The following CARS2 variants were observed in gnomAD, a reference collection of about 807,000 sequenced individuals.
The protein encoded by CARS2 is cysteinyl-tRNA synthetase 2, mitochondrial, also known as probable cysteine--tRNA ligase, mitochondrial.
Under a neutral mutation model 68.8 loss-of-function variants are expected in CARS2, and 52 were observed. The ratio of observed to expected loss-of-function variants is 0.76; its 90% CI spans 0.61 to 0.95. The LOEUF (loss-of-function observed/expected upper bound fraction) is 0.95. CARS2 is among the 40% of genes least tolerant of loss of function. CARS2 has a pLI of 0.00. For missense variants in CARS2, 780 were observed against 754.2 expected, an observed-to-expected ratio of 1.03 and a Z score of -0.40; for synonymous variants, 314 against 303.6, an observed-to-expected ratio of 1.03 and a Z score of -0.36.
In CARS2 at chr13:110,687,692, GAA is replaced by G. The variant is rs552751411; in HGVS notation, c.571+27_571+28del. 8.3e-3 allele frequency: 7,711 copies of G among 929,480 alleles called. 314 individuals are homozygous for G. In the African/African-American group the frequency reaches 0.12, roughly 15 times the overall value. 57.6% of individuals were successfully genotyped at this position (929,480 alleles called of 1,614,324 possible). On this transcript the variant is annotated intron_variant, in intron 5 of 14. Transcript: ENST00000257347. The stretch of plus-strand genomic sequence containing the variant: ...AAACTCTGTCTCAAAAAAAAAAAAA[GAA>G]AAAAAAAAAAAGAACATAAACCCTA...
intron 14 of CARS2, 61 bp downstream of exon 14, chr13:110,642,254 C>T: frequency 1.5e-6 from 2 of 1,329,316 alleles, no homozygotes; most frequent in South Asian, 2.5e-5. Flanking sequence ...CTGATGGCCC[C>T]ACGTCCTGTT....
At position 110,665,386 on chromosome 13, in the gene CARS2, C is replaced by T. The variant is rs1045017825; in HGVS notation, c.920-1868G>A. 2.8e-5 allele frequency: 26 copies of T among 926,560 alleles called. No individual in the cohort carries two copies. The highest frequency in any genetic ancestry group is 1.4e-4 in the African/African-American group (8 of 56,048). The allele number at this position is 926,560 out of a possible 1,614,324, so 57.4% of individuals were successfully genotyped here. The stretch of plus-strand genomic sequence containing the variant: ...GCTTGAACCCAGGAGGCAGAGGTTG[C>T]GGTGAGCTCAGATAGTGCCACTGCA... On this transcript the variant is annotated intron_variant, in intron 8 of 14. Transcript: ENST00000257347. The surrounding 1 kb of genome is among the most constrained non-coding windows in gnomAD (Gnocchi z 4.3).
intron 3 of CARS2, among the ~76,000 whole-genome samples, chr13:110,699,077 T>A (rs2063708944): frequency 6.6e-6 from 1 of 152,074 alleles, no homozygotes; most frequent in African/African-American, 2.4e-5. Context: ...GGCTTCTTTC[T>A]CTCCCCTTGA....
rs2063210298 is a variant in CARS2, at chr13:110,683,381, T to TC, written c.572-248dup. Among the ~76,000 whole-genome samples, 3 of 152,256 alleles carry TC rather than the reference T, an allele frequency of 2.0e-5. No homozygotes were observed. In the Middle Eastern group the frequency reaches 0.01, roughly 518 times the overall value. On this transcript the variant is annotated intron_variant, in intron 5 of 14. Coordinates refer to ENST00000257347, the MANE Select transcript of CARS2 (RefSeq NM_024537.4). ...TCAGGCAGTCTTCCCACCTCAACCT[T>TC]CCCAGTAGGTGGGGCTATAGGAGTG...
At chr13:110,707,025 C>CA (rs2063976755), upstream of CARS2, among the ~76,000 whole-genome samples, 1 of 151,592 alleles carries the variant, frequency 6.6e-6, no homozygotes, top group Admixed American at 6.6e-5. Context: ...GTCTGCACCC[C>CA]AGTACAGTGT....
chr13:110,701,404 G>A, intron 3 of CARS2, 34 bp downstream of exon 3: 1 of 965,626 alleles, frequency 1.0e-6, no homozygotes, highest in Non-Finnish European at 1.7e-6. Flanking sequence ...CTAATCAATG[G>A]CATTATCAAT....
upstream of CARS2, among the ~76,000 whole-genome samples, chr13:110,708,455 G>A (rs1277491505): frequency 1.3e-5 from 2 of 152,130 alleles, no homozygotes; most frequent in Non-Finnish European, 2.9e-5. Flanking sequence ...CTGGACATGC[G>A]GTATATTTGA....
At chr13:110,701,360 G>A (rs767606321) in intron 3 of CARS2, 78 bp downstream of exon 3, 12 of 758,528 alleles carry the variant, frequency 1.6e-5, no homozygotes, top group Non-Finnish European at 2.3e-5. Flanking sequence ...TACCACGCCC[G>A]GCCAAGAACC....
rs1345673471 is a variant in CARS2 at position 110,650,775 on chromosome 13, C to A, written c.1054+259G>T. 9.4e-6 allele frequency: 4 copies of A among 424,780 alleles called. No homozygotes were observed. The Admixed American group carries it at 1.8e-4, about 19-fold the overall frequency. The allele number at this position is 424,780 out of a possible 1,614,324, so 26.3% of individuals were successfully genotyped here. On this transcript the variant is annotated intron_variant, in intron 10 of 14. Coordinates refer to ENST00000257347, the MANE Select transcript of CARS2 (RefSeq NM_024537.4). ...AAGCCGAGGTGCTGCGGGTTCACGA[C>A]TTGTCCAGACCCAGAGAGAAGGAGT...
chr13:110,653,405 T>G lies in CARS2; in HGVS notation c.988-2305A>C, dbSNP rs1235424297. Among the ~76,000 whole-genome samples, 1 of 152,218 alleles carries G rather than the reference T, an allele frequency of 6.6e-6. No homozygotes were observed. The highest frequency in any genetic ancestry group is 1.5e-5 in the Non-Finnish European group (1 of 68,048). On this transcript the variant is annotated intron_variant, in intron 9 of 14. Transcript: ENST00000257347. The surrounding 1 kb of genome is among the most constrained non-coding windows in gnomAD (Gnocchi z 5.6). ...TGACACCCTCCCTCACCCGAGGTGC[T>G]GTGGTTCCAATTAACGCACACAGCC...
chr13:110,683,387 T>C (rs2063210451), intron 5 of CARS2, among the ~76,000 whole-genome samples: 1 of 152,272 alleles, frequency 6.6e-6, no homozygotes, highest in East Asian at 1.9e-4. Flanking sequence ...ACCTTCCCAG[T>C]AGGTGGGGCT....
At chr13:110,684,697 G>A (rs2063248579) in intron 5 of CARS2, among the ~76,000 whole-genome samples, 1 of 151,762 alleles carries the variant, frequency 6.6e-6, no homozygotes, top group Non-Finnish European at 1.5e-5. Flanking sequence ...GGACAGGAGG[G>A]GGACATCCAG....
intron 13 of CARS2, chr13:110,643,845 CTT>C (rs969994378): frequency 2.9e-5 from 7 of 243,504 alleles, no homozygotes; most frequent in Non-Finnish European, 4.2e-5. Context: ...ATCCAAGTCT[CTT>C]TGCAAAAATG....
chr13:110,650,599 G>A (rs1008105878), intron 10 of CARS2: 11 of 160,394 alleles, frequency 6.9e-5, no homozygotes, highest in East Asian at 1.9e-4. Flanking sequence ...GGGAGGAACC[G>A]TCATCACCCA....
Position 110,702,912 on chromosome 13 carries a change from T to C in CARS2, c.276-1357A>G, listed in dbSNP as rs553847645. ...CCATTTTCTCCATCCACTGGGTGAG[T>C]GTGCTCATCTGGGTGATCGCTGAAA... On this transcript the variant is annotated intron_variant, in intron 2 of 14. Transcript: ENST00000257347. Among the ~76,000 whole-genome samples the C allele has an allele frequency of 3.3e-5, 5 of 152,200 alleles. No individual in the cohort carries two copies. In the South Asian group the frequency reaches 1.0e-3, roughly 32 times the overall value.
chr13:110,666,939 T>C (rs2139763332), intron 8 of CARS2: 1 of 985,444 alleles, frequency 1.0e-6, no homozygotes, highest in African/African-American at 1.7e-5. Context: ...CTGGGGTTCA[T>C]CAGTTAGGTG....
chr13:110,663,924 G>A, intron 8 of CARS2: 4 of 1,000,092 alleles, frequency 4.0e-6, no homozygotes, highest in Non-Finnish European at 4.8e-6. Context: ...GCACTTGGCG[G>A]TGAAGCTTGT....
intron 3 of CARS2, chr13:110,688,846 G>A (rs2139865340): frequency 6.3e-6 from 1 of 157,742 alleles, no homozygotes; most frequent in South Asian, 1.6e-4. Flanking sequence ...GGAGGCGGAG[G>A]TTGCAGTCAG....
intron 11 of CARS2, 111 bp downstream of exon 11, chr13:110,646,990 C>T (rs1274649707): frequency 4.6e-6 from 6 of 1,314,612 alleles, no homozygotes; most frequent in African/African-American, 1.5e-5. Flanking sequence ...CCCAAACCTC[C>T]TGTCCAGCGC....
Sources: gnomAD v4.1 joint callset for allele counts (sites outside exome capture counted in the v4.1 genomes callset) on GRCh38, gnomAD v4.1.1 for gene constraint, Gnocchi (gnomAD v3.1) non-coding constraint, MANE v1.5 for transcripts, NCBI Gene and HGNC (gene_info 2026-07-23, HGNC 2026-07-21) for gene names.